Variants in IPO11 observed in about 807,000 individuals in gnomAD.
The protein encoded by IPO11 is importin-11.
In IPO11, 66 loss-of-function variants were observed where a neutral mutation model predicts 143.2. The ratio of observed to expected loss-of-function variants is 0.46; its 90% CI spans 0.38 to 0.57. IPO11 has a LOEUF of 0.57. Among genes scored for constraint, IPO11 ranks in the 20% least tolerant of loss-of-function variants. IPO11 has a pLI of 0.00. For missense variants in IPO11, 1,026 were observed against 1,141.0 expected, an observed-to-expected ratio of 0.90 and a Z score of 1.45; for synonymous variants, 385 against 377.8, an observed-to-expected ratio of 1.02 and a Z score of -0.22.
chr5:62,455,669 T>C (rs1327178231), intron 5 of IPO11, among the ~76,000 whole-genome samples: 2 of 152,208 alleles, frequency 1.3e-5, no homozygotes, highest in South Asian at 2.1e-4. Flanking sequence ...ATAAGTTCTT[T>C]TGAGGGGTGA....
intron 28 of IPO11, among the ~76,000 whole-genome samples, chr5:62,598,733 T>C (rs988563056): frequency 6.6e-6 from 1 of 150,808 alleles, no homozygotes; most frequent in Non-Finnish European, 1.5e-5. Flanking sequence ...TTAGTAGAAA[T>C]GGGGTTTCAC....
At chr5:62,528,955 G>T (rs1742454753) in intron 21 of IPO11, among the ~76,000 whole-genome samples, 1 of 152,118 alleles carries the variant, frequency 6.6e-6, no homozygotes, top group Admixed American at 6.6e-5. Flanking sequence ...CATCTCACTA[G>T]AGATTTGTCA....
intron 13 of IPO11, 151 bp downstream of exon 13, chr5:62,488,012 C>A: frequency 1.6e-6 from 1 of 627,298 alleles, no homozygotes; most frequent in Non-Finnish European, 2.5e-6. Context: ...TATTATCTTC[C>A]AAGGGGGTGG....
At position 62,539,956 on chromosome 5, in the gene IPO11, T is replaced by G. The variant is rs375145691; in HGVS notation, c.2250+2667T>G. The stretch of plus-strand genomic sequence containing the variant: ...AAGTGATTGGTGATGTGGGAGTGAT[T>G]AAAACAAGTGAAAATTGCCATGTCA... On this transcript the variant is annotated intron_variant, in intron 24 of 29. Transcript: ENST00000325324. 2.6e-5 allele frequency among the ~76,000 whole-genome samples: 4 copies of G among 152,336 alleles called. No individual in the cohort carries two copies. In the East Asian group the frequency reaches 7.7e-4, roughly 29 times the overall value.
chr5:62,437,395 C>G lies in IPO11; in HGVS notation c.116C>G (p.Pro39Arg). 6.2e-7 allele frequency: 1 copy of G among 1,610,100 alleles called. No individual in the cohort carries two copies. Among genetic ancestry groups the G allele is most frequent in the South Asian group, 1.1e-5 (1 of 90,210 alleles). The change falls in exon 2 of 30, where the codon CCA (proline) becomes CGA (arginine). Residue 39 changes from proline to arginine, a missense_variant. Pro to Arg is a moderately radical substitution (Grantham distance 103). Coordinates refer to ENST00000325324, the MANE Select transcript of IPO11 (RefSeq NM_016338.5). ...EEQLKQWETQ[P>R]GFYSVLLNIF... ...CAGTTGAAGCAGTGGGAGACACAGC[C>G]AGGTTTCTATTCAGTGTTGCTGGTA... is the stretch of plus-strand genomic sequence containing the variant.
At position 62,627,994 on chromosome 5, in the gene IPO11, G is replaced by T. The variant is rs1325340783; in HGVS notation, c.*676G>T. ...TGGGTCTATAAATGTGCATTTGTAAGGGCCACAAAAGTGAACGTGTGGTAC... is the reference window on the plus strand; with the variant it reads ...TGGGTCTATAAATGTGCATTTGTAATGGCCACAAAAGTGAACGTGTGGTAC... On this transcript the variant is annotated 3_prime_UTR_variant, in exon 30 of 30. Coordinates refer to ENST00000325324, the MANE Select transcript of IPO11 (RefSeq NM_016338.5). 2 of 151,376 alleles carry T rather than the reference G, an allele frequency of 1.3e-5. No homozygotes were observed. The highest frequency in any genetic ancestry group is 4.9e-5 in the African/African-American group (2 of 41,148). The allele number at this position is 151,376 out of a possible 1,614,324, so 9.4% of individuals were successfully genotyped here.
chr5:62,602,920 T>G (rs1385462350), intron 29 of IPO11, among the ~76,000 whole-genome samples: 1 of 152,166 alleles, frequency 6.6e-6, no homozygotes, highest in Non-Finnish European at 1.5e-5. Flanking sequence ...GCGGCAGAAA[T>G]TGGATTAGCA....
intron 2 of IPO11, among the ~76,000 whole-genome samples, chr5:62,438,315 A>T (rs1427570360): frequency 6.6e-6 from 1 of 152,234 alleles, no homozygotes; most frequent in Non-Finnish European, 1.5e-5. Context: ...TGAATATAAC[A>T]AAAAAGATGG....
In IPO11 at chr5:62,499,935, TAGA is replaced by T. The variant is rs546592245; in HGVS notation, c.1591-4729_1591-4727del. Reference sequence around the variant, plus strand: ...CTTGCACCTCCACATCTTGTCCCACTAGAAGGTCTTCTGGGGCGTTAACACACA... The same window carrying T: ...CTTGCACCTCCACATCTTGTCCCACTAGGTCTTCTGGGGCGTTAACACACA... On this transcript the variant is annotated intron_variant, in intron 16 of 29. Coordinates refer to ENST00000325324, the MANE Select transcript of IPO11 (RefSeq NM_016338.5). Among the ~76,000 whole-genome samples the T allele has an allele frequency of 3.2e-4, 49 of 152,316 alleles. No individual in the cohort carries two copies. In the South Asian group the frequency reaches 9.3e-3, roughly 29 times the overall value.
chr5:62,616,462 G>A (rs1166119468), intron 29 of IPO11, among the ~76,000 whole-genome samples: 4 of 152,004 alleles, frequency 2.6e-5, no homozygotes, highest in Non-Finnish European at 5.9e-5. Flanking sequence ...GGCCAGGTAT[G>A]GTGGCTCACA....
intron 24 of IPO11, among the ~76,000 whole-genome samples, chr5:62,547,665 CTCAA>C (rs1051191400): frequency 3.3e-5 from 5 of 152,022 alleles, no homozygotes; most frequent in African/African-American, 9.7e-5. Context: ...TATTTATTTA[CTCAA>C]TCAGATACTG....
chr5:62,561,196 C>A lies in IPO11; in HGVS notation c.2521C>A (p.Gln841Lys). ...GGTTGATCGAATGGACAACATTACC[C>A]AGCCTGAAAGAAGAAAACTTTCAGC... ...MWVDRMDNIT[Q>K]PERRKLSALA... Residue 841 changes from glutamine (Q) to lysine (K), a missense_variant, in exon 27 of 30, where the codon CAG (glutamine) becomes AAG (lysine). By Grantham distance (53) the Gln-to-Lys change is moderately conservative. This residue lies in a region of IPO11 where 351 missense variants were observed against 358.9 expected (regional missense o/e 0.98). Transcript: ENST00000325324. 6.2e-7 allele frequency: 1 copy of A among 1,611,044 alleles called. No homozygotes were observed. The highest frequency in any genetic ancestry group is 8.5e-7 in the Non-Finnish European group (1 of 1,178,400).
At chr5:62,586,766 AAAATATATATATATATATATAT>A (rs1168600292) in intron 27 of IPO11, among the ~76,000 whole-genome samples, 7 of 76,202 alleles carry the variant, frequency 9.2e-5, no homozygotes, top group Middle Eastern at 7.2e-3. Flanking sequence ...AAAAAAAAAA[AAAATATATATATATATATATAT>A]ATATATATAT....
chr5:62,536,658 G>A (rs1742744330), intron 22 of IPO11, 44 bp from the exon 23 acceptor site: 12 of 1,557,908 alleles, frequency 7.7e-6, no homozygotes, highest in Non-Finnish European at 8.6e-6. Context: ...ATTTTGAGCA[G>A]TGAATTAATT....
chr5:62,575,840 T>C (rs530703399), intron 27 of IPO11: 49 of 152,346 alleles, frequency 3.2e-4, no homozygotes, highest in African/African-American at 1.2e-3. Context: ...TATTGAGATA[T>C]ACTGCCCCTC....
In IPO11 at chr5:62,483,177, A is replaced by G. The variant is rs954847590; in HGVS notation, c.905A>G (p.Tyr302Cys). The change falls in exon 10 of 30, where the codon TAT becomes TGT. Residue 302 changes from tyrosine to cysteine, a missense_variant. Tyr to Cys is a radical substitution (Grantham distance 194). Coordinates refer to ENST00000325324, the MANE Select transcript of IPO11 (RefSeq NM_016338.5). ...AGATCACTGGAATTTTCTGTAAGCT[A>G]TGTTTTTACAGAAGTTGGTGAAGGC... is the stretch of plus-strand genomic sequence containing the variant. ...IQRSLEFSVSYVFTEVGEGVT... is the reference protein window; with the variant it reads ...IQRSLEFSVSCVFTEVGEGVT... The G allele has an allele frequency of 3.7e-6, 6 of 1,607,980 alleles. No individual in the cohort carries two copies. The highest frequency in any genetic ancestry group is 5.1e-6 in the Non-Finnish European group (6 of 1,175,144).
intron 27 of IPO11, among the ~76,000 whole-genome samples, chr5:62,583,628 AAG>A (rs1322082244): frequency 6.6e-6 from 1 of 152,148 alleles, no homozygotes; most frequent in Non-Finnish European, 1.5e-5. Flanking sequence ...TACTAATCAA[AAG>A]AGAGCTGGAG....
At chr5:62,596,283 A>AG (rs3077487) in intron 28 of IPO11, among the ~76,000 whole-genome samples, 2 of 151,488 alleles carry the variant, frequency 1.3e-5, no homozygotes, top group Non-Finnish European at 2.9e-5. Flanking sequence ...AAAAAAAAAA[A>AG]GAATTTAGCC....
intron 10 of IPO11, 41 bp from the exon 11 acceptor site, chr5:62,483,969 T>A: frequency 6.5e-7 from 1 of 1,529,992 alleles, no homozygotes; most frequent in Non-Finnish European, 8.9e-7. Flanking sequence ...GTAGCTACAA[T>A]GTTTGGCTAT....
Sources: gnomAD v4.1 joint callset for allele counts (sites outside exome capture counted in the v4.1 genomes callset) on GRCh38, gnomAD v4.1.1 for gene constraint, gnomAD v4.1.1 regional missense constraint, MANE v1.5 for transcripts, NCBI Gene and HGNC (gene_info 2026-07-23, HGNC 2026-07-21) for gene names.